The following DNAH8 variants were observed in gnomAD, a reference collection of about 807,000 sequenced individuals.
The protein encoded by DNAH8 is axonemal beta dynein heavy chain 8.
Under a neutral mutation model 562.1 loss-of-function variants are expected in DNAH8, and 382 were observed. The observed-to-expected ratio is 0.68, with a 90% CI of 0.63 to 0.74. The LOEUF (loss-of-function observed/expected upper bound fraction) is 0.74, where lower values mean the gene tolerates loss of function less well. Among genes scored for constraint, DNAH8 ranks in the 30% least tolerant of loss-of-function variants. DNAH8 has a pLI of 0.00. For missense variants in DNAH8, 5,203 were observed against 5,620.4 expected, an observed-to-expected ratio of 0.93 and a Z score of 2.37; for synonymous variants, 1,881 against 1,919.4, an observed-to-expected ratio of 0.98 and a Z score of 0.52.
At chr6:38,846,610 C>A (rs1775317917) in intron 36 of DNAH8, among the ~76,000 whole-genome samples, 1 of 152,128 alleles carries the variant, frequency 6.6e-6, no homozygotes, top group Non-Finnish European at 1.5e-5. Context: ...ATATAAAGGT[C>A]AAGGTCCTCG....
At chr6:38,890,783 A>G (rs1235030837) in intron 58 of DNAH8, 22 bp downstream of exon 58, 1 of 1,555,796 alleles carries the variant, frequency 6.4e-7, no homozygotes, top group Non-Finnish European at 8.9e-7. Flanking sequence ...TTTGTCAATA[A>G]TTTTTAAAAA....
At chr6:38,911,823 A>C (rs1022450920) in intron 66 of DNAH8, among the ~76,000 whole-genome samples, 1 of 152,104 alleles carries the variant, frequency 6.6e-6, no homozygotes, top group Non-Finnish European at 1.5e-5. Flanking sequence ...GGCTCTTTCA[A>C]CTCTGGGTCC....
intron 82 of DNAH8, among the ~76,000 whole-genome samples, chr6:38,956,027 A>G (rs915828065): frequency 6.6e-6 from 1 of 152,200 alleles, no homozygotes; most frequent in Non-Finnish European, 1.5e-5. Context: ...CAGGCACACT[A>G]GTGTCTCAGT....
chr6:38,783,957 T>G (rs1165751625), intron 17 of DNAH8, among the ~76,000 whole-genome samples: 2 of 152,178 alleles, frequency 1.3e-5, no homozygotes, highest in African/African-American at 2.4e-5. Context: ...GGTGGGTTGC[T>G]GGAACGGTGG....
In DNAH8 at chr6:38,905,219, C is replaced by T. The variant is rs187898527; in HGVS notation, c.9195-1035C>T. ...ATTACTTGCATTGTAACACCTCCTTCCAGTGAGGATTACCTTTTAGTCCTT... is the reference window on the plus strand; with the variant it reads ...ATTACTTGCATTGTAACACCTCCTTTCAGTGAGGATTACCTTTTAGTCCTT... On this transcript the variant is annotated intron_variant, in intron 62 of 92. Coordinates refer to ENST00000327475, the MANE Select transcript of DNAH8 (RefSeq NM_001206927.2). 4.5e-3 allele frequency among the ~76,000 whole-genome samples: 678 copies of T among 152,302 alleles called. 6 individuals are homozygous for T. The highest frequency in any genetic ancestry group is 0.027 in the Middle Eastern group (8 of 294).
chr6:38,906,949 G>C (rs1290983183), intron 63 of DNAH8, among the ~76,000 whole-genome samples: 1 of 152,082 alleles, frequency 6.6e-6, no homozygotes, highest in African/African-American at 2.4e-5. Flanking sequence ...CTCATTATTG[G>C]AGCATTTTAG....
chr6:38,770,783 T>A (rs1767492235), intron 12 of DNAH8, among the ~76,000 whole-genome samples: 1 of 152,194 alleles, frequency 6.6e-6, no homozygotes, highest in Admixed American at 6.5e-5. Flanking sequence ...AACTTTCACA[T>A]CTCTCAAGAC....
chr6:38,742,526 T>G (rs1017897020), intron 8 of DNAH8, among the ~76,000 whole-genome samples: 2 of 152,076 alleles, frequency 1.3e-5, no homozygotes, highest in Non-Finnish European at 2.9e-5. Flanking sequence ...GGTCTCAAAC[T>G]CCTGAGCTCA....
chr6:38,775,628 T>C (rs1767990181), intron 12 of DNAH8, 126 bp from the exon 13 acceptor site: 1 of 622,258 alleles, frequency 1.6e-6, no homozygotes. Context: ...TGGTTGGTTT[T>C]AGCGAAATTA....
At chr6:38,803,649 T>C (rs989252157) in intron 22 of DNAH8, among the ~76,000 whole-genome samples, 1 of 148,428 alleles carries the variant, frequency 6.7e-6, no homozygotes, top group African/African-American at 2.5e-5. Context: ...ACTTTGACTA[T>C]TTGATTTATT....
At chr6:38,889,440 A>G (rs1583284033) in intron 57 of DNAH8, among the ~76,000 whole-genome samples, 1 of 152,308 alleles carries the variant, frequency 6.6e-6, no homozygotes, top group South Asian at 2.1e-4. Context: ...AACAAGGATG[A>G]ACGTACAAGG....
intron 82 of DNAH8, among the ~76,000 whole-genome samples, chr6:38,967,925 A>C (rs1188209547): frequency 6.6e-6 from 1 of 152,186 alleles, no homozygotes; most frequent in African/African-American, 2.4e-5. Flanking sequence ...GCATAAAGAT[A>C]TATATCATTG....
At chr6:38,962,009 T>TA (rs1762633721) in intron 82 of DNAH8, among the ~76,000 whole-genome samples, 2 of 152,054 alleles carry the variant, frequency 1.3e-5, no homozygotes, top group African/African-American at 2.4e-5. Flanking sequence ...GATAAATATA[T>TA]AAAAAATGAT....
At position 38,722,882 on chromosome 6, in the gene DNAH8, C is replaced by G; in HGVS notation, c.73C>G (p.Pro25Ala). The change falls in exon 2 of 93, where the codon CCT becomes GCT. Residue 25 changes from proline (P) to alanine (A), a missense_variant. Physicochemically the swap from Pro to Ala is conservative, Grantham distance 27. Around this residue, in one of 6 missense-constraint regions of DNAH8, gnomAD observed 556 missense variants for 496.9 expected, o/e 1.12. Coordinates refer to ENST00000327475, the MANE Select transcript of DNAH8 (RefSeq NM_001206927.2). ...TCCTCCCTCTACGGAAGAGGCTGCCCCTCCCCGTTCAGAAGAGGAAGAGGC... is the reference window on the plus strand; with the variant it reads ...TCCTCCCTCTACGGAAGAGGCTGCCGCTCCCCGTTCAGAAGAGGAAGAGGC... ...EAPPSTEEAAPPRSEEEEAPR... is the reference protein window; with the variant it reads ...EAPPSTEEAAAPRSEEEEAPR... 4 of 1,611,764 alleles carry G rather than the reference C, an allele frequency of 2.5e-6. No homozygotes were observed. The highest frequency in any genetic ancestry group is 3.4e-6 in the Non-Finnish European group (4 of 1,179,410).
intron 56 of DNAH8, among the ~76,000 whole-genome samples, chr6:38,884,810 C>T (rs1016618275): frequency 2.0e-5 from 3 of 152,208 alleles, no homozygotes; most frequent in African/African-American, 7.2e-5. Context: ...CTGTGCCACA[C>T]ACCGTGGTTC....
At chr6:38,905,320 C>G (rs184680082) in intron 62 of DNAH8, among the ~76,000 whole-genome samples, 14 of 152,316 alleles carry the variant, frequency 9.2e-5, no homozygotes, top group Non-Finnish European at 1.9e-4. Flanking sequence ...ATCTCATCAC[C>G]TCTGGTAGCA....
chr6:38,813,405 C>T lies in DNAH8; in HGVS notation c.3258-649C>T, dbSNP rs117082705. On this transcript the variant is annotated intron_variant, in intron 24 of 92. Coordinates refer to ENST00000327475, the MANE Select transcript of DNAH8 (RefSeq NM_001206927.2). ...CTATGTTTCTTGTGATCCCCTCCCACCCCCCATCTGCTTGTATTTAGAAAT... is the reference window on the plus strand; with the variant it reads ...CTATGTTTCTTGTGATCCCCTCCCATCCCCCATCTGCTTGTATTTAGAAAT... Among the ~76,000 whole-genome samples, 214 of 152,100 alleles carry T rather than the reference C, an allele frequency of 1.4e-3. 3 individuals carry two copies. Among genetic ancestry groups the T allele is most frequent in the Admixed American group, 0.011 (161 of 15,266 alleles).
At chr6:38,936,444 A>G (rs1003492005) in intron 77 of DNAH8, 7 of 152,158 alleles carry the variant, frequency 4.6e-5, no homozygotes, top group African/African-American at 1.7e-4. Flanking sequence ...ATCAACAAAC[A>G]TATTGTTCTG....
At chr6:38,911,794 C>T (rs1251536555) in intron 66 of DNAH8, among the ~76,000 whole-genome samples, 1 of 152,184 alleles carries the variant, frequency 6.6e-6, no homozygotes, top group East Asian at 1.9e-4. Flanking sequence ...CCTATTTTCT[C>T]TGCAGAACCA....
Sources: gnomAD v4.1 joint callset for allele counts (sites outside exome capture counted in the v4.1 genomes callset) on GRCh38, gnomAD v4.1.1 for gene constraint, gnomAD v4.1.1 regional missense constraint, MANE v1.5 for transcripts, NCBI Gene and HGNC (gene_info 2026-07-23, HGNC 2026-07-21) for gene names.